VAMP7: variants seen among roughly 807,000 people sequenced by gnomAD.
The protein encoded by VAMP7 is vesicle-associated membrane protein 7.
VAMP7 carries 14 observed loss-of-function variants against 29.6 expected under a neutral mutation model. The observed-to-expected ratio is 0.47, with a 90% CI of 0.31 to 0.74. The LOEUF is 0.74. VAMP7 is among the 30% of genes least tolerant of loss of function. The pLI is 0.05. For synonymous variants in VAMP7, 95 were observed against 88.1 expected, an observed-to-expected ratio of 1.08 and a Z score of -0.44; for missense variants, 223 against 262.4, an observed-to-expected ratio of 0.85 and a Z score of 1.04.
In VAMP7 at chrX:155,940,783, A is replaced by G. The variant is rs1358627533; in HGVS notation, c.594+990A>G. On this transcript the variant is annotated intron_variant, in intron 7 of 7. Coordinates refer to ENST00000286448, the MANE Select transcript of VAMP7 (RefSeq NM_005638.6). Reference sequence around the variant, plus strand: ...TAAACTTTACATTTGTGGCATGTGTATGTGTGAGTATGTGTGTGTATGTGT... The same window carrying G: ...TAAACTTTACATTTGTGGCATGTGTGTGTGTGAGTATGTGTGTGTATGTGT... 6.6e-5 allele frequency among the ~76,000 whole-genome samples: 10 copies of G among 152,208 alleles called. No individual in the cohort carries two copies. The East Asian group carries it at 1.9e-3, about 29-fold the overall frequency.
chrX:155,904,104 A>G (rs56985097), intron 5 of VAMP7, among the ~76,000 whole-genome samples: 4 of 151,326 alleles, frequency 2.6e-5, no homozygotes, highest in African/African-American at 9.7e-5. Flanking sequence ...CTATCGCAAG[A>G]ACAAAAAACC....
chrX:155,904,180 G>A (rs2066113145), intron 5 of VAMP7, among the ~76,000 whole-genome samples: 1 of 137,896 alleles, frequency 7.3e-6, no homozygotes, highest in South Asian at 2.4e-4. Flanking sequence ...ACAGGAAGGG[G>A]AACATCACAC....
Position 155,943,107 on chromosome X carries a change from A to G in VAMP7, c.*1156A>G, listed in dbSNP as rs1219211615. 1 of 149,368 alleles carries G rather than the reference A, an allele frequency of 6.7e-6. No homozygotes were observed. Among genetic ancestry groups the G allele is most frequent in the Non-Finnish European group, 1.5e-5 (1 of 67,446 alleles). 9.3% of individuals were successfully genotyped at this position (149,368 alleles called of 1,614,324 possible). Reference sequence around the variant, plus strand: ...TGCAGTGTAAGAAAATTGGACTGTAATCATATCGCTACTGGCATCTGTTAT... The same window carrying G: ...TGCAGTGTAAGAAAATTGGACTGTAGTCATATCGCTACTGGCATCTGTTAT... On this transcript the variant is annotated 3_prime_UTR_variant, in exon 8 of 8. Transcript: ENST00000286448.
At chrX:155,937,258 A>C (rs2066674134) in intron 6 of VAMP7, among the ~76,000 whole-genome samples, 1 of 152,198 alleles carries the variant, frequency 6.6e-6, no homozygotes, top group Admixed American at 6.5e-5. Context: ...AGTGGTTGAC[A>C]GTGGGTGGGA....
chrX:155,901,983 A>T (rs945856989), intron 5 of VAMP7, among the ~76,000 whole-genome samples: 1 of 152,048 alleles, frequency 6.6e-6, no homozygotes, highest in Admixed American at 6.6e-5. Flanking sequence ...TTTTCATGAT[A>T]TTGATTCTTC....
intron 1 of VAMP7, among the ~76,000 whole-genome samples, chrX:155,884,728 AT>A (rs2065846274): frequency 6.6e-6 from 1 of 152,228 alleles, no homozygotes; most frequent in South Asian, 2.1e-4. Context: ...GATCCAGAAT[AT>A]TCTTATACAT....
chrX:155,889,090 A>G (rs2065897716), intron 1 of VAMP7, among the ~76,000 whole-genome samples: 1 of 152,100 alleles, frequency 6.6e-6, no homozygotes, highest in Non-Finnish European at 1.5e-5. Flanking sequence ...TTCAGGATGG[A>G]ATTTCTACAT....
At chrX:155,913,976 A>G (rs1290520633) in intron 5 of VAMP7, among the ~76,000 whole-genome samples, 3 of 150,786 alleles carry the variant, frequency 2.0e-5, no homozygotes, top group African/African-American at 7.3e-5. Flanking sequence ...GTTTGGCCAT[A>G]TTCTTCCTAT....
intron 5 of VAMP7, among the ~76,000 whole-genome samples, chrX:155,904,246 C>A (rs1464954910): frequency 6.6e-6 from 1 of 150,638 alleles, no homozygotes; most frequent in Admixed American, 6.6e-5. Context: ...GGAGATATAC[C>A]TAATGCTAAA....
At chrX:155,934,990 G>A (rs2066625805) in intron 6 of VAMP7, among the ~76,000 whole-genome samples, 1 of 152,108 alleles carries the variant, frequency 6.6e-6, no homozygotes. Context: ...GAAATTCTGG[G>A]TTGAAAATTC....
intron 2 of VAMP7, among the ~76,000 whole-genome samples, chrX:155,893,988 A>T (rs1420615600): frequency 3.9e-5 from 6 of 152,182 alleles, no homozygotes; most frequent in Admixed American, 6.5e-5. Flanking sequence ...GGAGGAAAAG[A>T]TTTTGCCTGA....
chrX:155,927,437 T>G (rs980748247), intron 6 of VAMP7, among the ~76,000 whole-genome samples: 2 of 137,886 alleles, frequency 1.5e-5, no homozygotes, highest in Non-Finnish European at 3.1e-5. Context: ...AGAAAAATGG[T>G]GCTGATAGTC....
chrX:155,902,016 C>T (rs1201933792), intron 5 of VAMP7, among the ~76,000 whole-genome samples: 3 of 152,020 alleles, frequency 2.0e-5, no homozygotes, highest in Non-Finnish European at 4.4e-5. Flanking sequence ...ATGGAATGTT[C>T]TTCCATTTCT....
intron 2 of VAMP7, 152 bp downstream of exon 2, chrX:155,889,764 G>A (rs2065905301): frequency 2.7e-6 from 2 of 750,290 alleles, no homozygotes; most frequent in Non-Finnish European, 3.9e-6. Context: ...AATATATCTG[G>A]TTTTGTTACT....
chrX:155,921,772 A>G (rs1431593177), intron 6 of VAMP7, among the ~76,000 whole-genome samples: 1 of 151,910 alleles, frequency 6.6e-6, no homozygotes, highest in East Asian at 1.9e-4. Context: ...TTGTTGTCCA[A>G]TATTGTCTTC....
intron 1 of VAMP7, among the ~76,000 whole-genome samples, chrX:155,889,165 ATC>A (rs1172612751): frequency 6.6e-6 from 1 of 152,042 alleles, no homozygotes; most frequent in African/African-American, 2.4e-5. Context: ...AAAGGGTGAT[ATC>A]TGTTTGTGCT....
At chrX:155,931,044 C>A (rs765495693) in intron 6 of VAMP7, among the ~76,000 whole-genome samples, 20 of 152,250 alleles carry the variant, frequency 1.3e-4, no homozygotes, top group African/African-American at 4.1e-4. Flanking sequence ...ATGAACTCAT[C>A]CTTTTTTACG....
chrX:155,891,773 C>A (rs2065927943), intron 2 of VAMP7, among the ~76,000 whole-genome samples: 1 of 152,188 alleles, frequency 6.6e-6, no homozygotes, highest in Non-Finnish European at 1.5e-5. Flanking sequence ...TGGCCACATC[C>A]AAAATGGTAG....
chrX:155,933,355 C>G (rs2066594033), intron 6 of VAMP7, among the ~76,000 whole-genome samples: 1 of 152,094 alleles, frequency 6.6e-6, no homozygotes, highest in Non-Finnish European at 1.5e-5. Flanking sequence ...GGTTGGTAAG[C>G]TATTAATTAT....
Sources: gnomAD v4.1 joint callset for allele counts (sites outside exome capture counted in the v4.1 genomes callset) on GRCh38, gnomAD v4.1.1 for gene constraint, MANE v1.5 for transcripts, NCBI Gene and HGNC (gene_info 2026-07-23, HGNC 2026-07-21) for gene names.